Variants in NUFIP2 observed in about 807,000 individuals in gnomAD.
The protein encoded by NUFIP2 is FMR1-interacting protein NUFIP2.
In NUFIP2, 6 loss-of-function variants were observed where a neutral mutation model predicts 56.9. The ratio of observed to expected loss-of-function variants is 0.11; its 90% CI spans 0.06 to 0.21. The LOEUF (loss-of-function observed/expected upper bound fraction) is 0.21, where lower values mean the gene tolerates loss of function less well. Ranked by LOEUF, NUFIP2 falls within the 10% of genes least tolerant of loss-of-function variation. NUFIP2 has a pLI of 1.00. For synonymous variants in NUFIP2, 321 were observed against 298.2 expected, an observed-to-expected ratio of 1.08 and a Z score of -0.79; for missense variants, 828 against 826.8, an observed-to-expected ratio of 1.00 and a Z score of -0.02.
rs946361817 is a variant in NUFIP2 at position 29,258,802 on chromosome 17, T to C, written c.*5737A>G. 26 of 152,190 alleles carry C rather than the reference T, an allele frequency of 1.7e-4. No homozygotes were observed. Among genetic ancestry groups the C allele is most frequent in the African/African-American group, 5.8e-4 (24 of 41,432 alleles). The allele number at this position is 152,190 out of a possible 1,614,324, so 9.4% of individuals were successfully genotyped here. The stretch of plus-strand genomic sequence containing the variant: ...AAAGCAACCTATGGTATATGTATGG[T>C]ATATAGTAATGTAAAAAGTGCATCA... On this transcript the variant is annotated 3_prime_UTR_variant, in exon 4 of 4. Coordinates refer to ENST00000225388, the MANE Select transcript of NUFIP2 (RefSeq NM_020772.3).
rs189670866 is a variant in NUFIP2 at position 29,269,875 on chromosome 17, C to G, written c.2003-2345G>C. 1.8e-3 allele frequency among the ~76,000 whole-genome samples: 273 copies of G among 152,188 alleles called. 1 individual carries two copies. The highest frequency in any genetic ancestry group is 6.4e-3 in the African/African-American group (266 of 41,516). On this transcript the variant is annotated intron_variant, in intron 2 of 3. Transcript: ENST00000225388. Reference sequence around the variant, plus strand: ...AACTGGGACTACAGGTGCCTGCCACCACGCCTGGCTAATTTTTTGTATTTT... The same window carrying G: ...AACTGGGACTACAGGTGCCTGCCACGACGCCTGGCTAATTTTTTGTATTTT...
chr17:29,293,955 A>C lies in NUFIP2; in HGVS notation c.105T>G (p.His35Gln). Residue 35 changes from histidine (H) to glutamine (Q), a missense_variant, in exon 1 of 4, where the codon CAT becomes CAG. His to Gln is a conservative substitution (Grantham distance 24). Around this residue, in one of 3 missense-constraint regions of NUFIP2, gnomAD observed 415 missense variants for 408.7 expected, o/e 1.02. Coordinates refer to ENST00000225388, the MANE Select transcript of NUFIP2 (RefSeq NM_020772.3). ...QQQQQPHHHH[H>Q]YYFYNHSHNH... Reference sequence around the variant, plus strand: ...TGTGGCTGTGGTTGTAGAAATAATAATGGTGGTGGTGGTGCGGCTGCTGCT... The same window carrying C: ...TGTGGCTGTGGTTGTAGAAATAATACTGGTGGTGGTGGTGCGGCTGCTGCT... The C allele has an allele frequency of 6.2e-7, 1 of 1,612,324 alleles. No individual in the cohort carries two copies. Among genetic ancestry groups the C allele is most frequent in the Non-Finnish European group, 8.5e-7 (1 of 1,178,696 alleles).
rs1022371956 is a variant in NUFIP2 at position 29,257,544 on chromosome 17, GCA to G, written c.*6993_*6994del. 3.3e-5 allele frequency: 5 copies of G among 151,490 alleles called. No individual in the cohort carries two copies. The highest frequency in any genetic ancestry group is 2.0e-4 in the Admixed American group (3 of 15,196). 9.4% of individuals were successfully genotyped at this position (151,490 alleles called of 1,614,324 possible). The stretch of plus-strand genomic sequence containing the variant: ...TTTTTTTTTTTTAATGACAAGAATT[GCA>G]CAGTTTATTATTTTGAGACAATTGT... On this transcript the variant is annotated 3_prime_UTR_variant, in exon 4 of 4. Coordinates refer to ENST00000225388, the MANE Select transcript of NUFIP2 (RefSeq NM_020772.3).
At chr17:29,267,418 A>T in intron 3 of NUFIP2, 80 bp downstream of exon 3, 1 of 743,706 alleles carries the variant, frequency 1.3e-6, no homozygotes, top group Non-Finnish European at 2.3e-6. Flanking sequence ...GTAAATTACC[A>T]CCCATCTGTT....
At chr17:29,280,598 A>C (rs185207383) in intron 2 of NUFIP2, among the ~76,000 whole-genome samples, 28 of 152,018 alleles carry the variant, frequency 1.8e-4, no homozygotes, top group Admixed American at 1.6e-3. Context: ...AGGCGGGAGG[A>C]TTCCTTAAGC....
chr17:29,286,647 C>T lies in NUFIP2; in HGVS notation c.1347G>A (p.Gly449=). Residue 449 remains glycine (G), a synonymous_variant, in exon 2 of 4, where the codon GGG becomes GGA. Coordinates refer to ENST00000225388, the MANE Select transcript of NUFIP2 (RefSeq NM_020772.3). ...TCATGTCCTGGAGAACTGAATCTGT[C>T]CCAGAAGAGATGGGTGTTAGAGTAT... ...AANTLTPISS[G]TDSVLQDMSL... is the part of the protein sequence containing the mutation. The T allele has an allele frequency of 6.2e-7, 1 of 1,614,092 alleles. No individual in the cohort carries two copies. The highest frequency in any genetic ancestry group is 8.5e-7 in the Non-Finnish European group (1 of 1,180,002).
Position 29,277,271 on chromosome 17 carries a change from C to G in NUFIP2, c.2002+8721G>C, listed in dbSNP as rs558653161. On this transcript the variant is annotated intron_variant, in intron 2 of 3. Transcript: ENST00000225388. Reference sequence around the variant, plus strand: ...AACTCCTGACCTCAGGGGATCTGCCCACCTCAGCCTCCTAAAATGCTGGGA... The same window carrying G: ...AACTCCTGACCTCAGGGGATCTGCCGACCTCAGCCTCCTAAAATGCTGGGA... Among the ~76,000 whole-genome samples the G allele has an allele frequency of 2.3e-4, 35 of 152,304 alleles. No individual in the cohort carries two copies. The South Asian group carries it at 7.0e-3, about 31-fold the overall frequency.
At position 29,261,443 on chromosome 17, in the gene NUFIP2, A is replaced by C. The variant is rs2069002420; in HGVS notation, c.*3096T>G. 1 of 151,770 alleles carries C rather than the reference A, an allele frequency of 6.6e-6. No individual in the cohort carries two copies. The highest frequency in any genetic ancestry group is 2.4e-5 in the African/African-American group (1 of 41,336). The allele number at this position is 151,770 out of a possible 1,614,324, so 9.4% of individuals were successfully genotyped here. On this transcript the variant is annotated 3_prime_UTR_variant, in exon 4 of 4. Coordinates refer to ENST00000225388, the MANE Select transcript of NUFIP2 (RefSeq NM_020772.3). ...ACACACACACACACACCCCTTTTTC[A>C]GTCTTTATAATGGAGGGATGTTAAA...
intron 1 of NUFIP2, among the ~76,000 whole-genome samples, chr17:29,292,996 G>A (rs2069227456): frequency 2.0e-5 from 3 of 150,422 alleles, no homozygotes; most frequent in Admixed American, 2.0e-4. Context: ...TGTGGCCCTC[G>A]ACACCCTTCC....
At position 29,286,231 on chromosome 17, in the gene NUFIP2, C is replaced by T. The variant is rs375685939; in HGVS notation, c.1763G>A (p.Ser588Asn). Reference sequence around the variant, plus strand: ...ACTGGGTTCCAAGGATAAGGCTCCACTCTCACTAGTAGTCCCAGATTTTAG... The same window carrying T: ...ACTGGGTTCCAAGGATAAGGCTCCATTCTCACTAGTAGTCCCAGATTTTAG... ...SILKSGTTSE[S>N]GALSLEPSHI... The change falls in exon 2 of 4, where the codon AGT (serine) becomes AAT (asparagine). Residue 588 changes from serine (S) to asparagine (N), a missense_variant. Coordinates refer to ENST00000225388, the MANE Select transcript of NUFIP2 (RefSeq NM_020772.3). 4 of 1,614,178 alleles carry T rather than the reference C, an allele frequency of 2.5e-6. No individual in the cohort carries two copies. The highest frequency in any genetic ancestry group is 3.4e-6 in the Non-Finnish European group (4 of 1,180,026).
chr17:29,285,902 T>C (rs1335124058), intron 2 of NUFIP2, 90 bp downstream of exon 2: 4 of 1,023,876 alleles, frequency 3.9e-6, no homozygotes. Flanking sequence ...ACTCTTAATA[T>C]GAACAACTAA....
intron 2 of NUFIP2, among the ~76,000 whole-genome samples, chr17:29,283,941 G>A (rs2069155185): frequency 6.6e-6 from 1 of 152,118 alleles, no homozygotes; most frequent in South Asian, 2.1e-4. Context: ...CCATTTTTAA[G>A]GAAGTAAAAT....
chr17:29,290,167 G>C (rs1190188426), intron 1 of NUFIP2, among the ~76,000 whole-genome samples: 7 of 152,002 alleles, frequency 4.6e-5, no homozygotes, highest in South Asian at 2.1e-4. Context: ...TTACAGGTGA[G>C]AGCCACCACA....
At chr17:29,291,046 AAAAAAAAGAAAAG>A in intron 1 of NUFIP2, among the ~76,000 whole-genome samples, 1 of 120,074 alleles carries the variant, frequency 8.3e-6, no homozygotes, top group Non-Finnish European at 1.8e-5. Context: ...AAAAAAAAAA[AAAAAAAAGAAAAG>A]AAAATCTTGT....
At chr17:29,285,362 G>A (rs1390962578) in intron 2 of NUFIP2, among the ~76,000 whole-genome samples, 3 of 151,868 alleles carry the variant, frequency 2.0e-5, no homozygotes, top group South Asian at 4.1e-4. Flanking sequence ...TTGGGAGGCC[G>A]TGGGTGGATC....
intron 2 of NUFIP2, among the ~76,000 whole-genome samples, chr17:29,279,596 C>T (rs771394021): frequency 3.9e-5 from 6 of 152,142 alleles, no homozygotes; most frequent in African/African-American, 9.7e-5. Flanking sequence ...TGCAACAGCA[C>T]GATTATGGCT....
At chr17:29,270,341 AGAT>A (rs1159758605) in intron 2 of NUFIP2, among the ~76,000 whole-genome samples, 186 of 151,834 alleles carry the variant, frequency 1.2e-3, no homozygotes, top group Non-Finnish European at 2.3e-3. Context: ...AAAAAAAAAA[AGAT>A]GACGATCGGA....
chr17:29,283,376 T>C (rs2069151772), intron 2 of NUFIP2, among the ~76,000 whole-genome samples: 1 of 152,200 alleles, frequency 6.6e-6, no homozygotes. Context: ...CTCACTCTGT[T>C]GCCCAGGCCT....
chr17:29,282,200 C>T (rs2069144487), intron 2 of NUFIP2, among the ~76,000 whole-genome samples: 1 of 152,072 alleles, frequency 6.6e-6, no homozygotes, highest in Admixed American at 6.6e-5. Context: ...TTAAAAAAAG[C>T]CCTTGCCAGA....
Sources: allele counts gnomAD v4.1 joint callset (sites outside exome capture counted in the v4.1 genomes callset), GRCh38; gene constraint gnomAD v4.1.1; regional missense constraint gnomAD v4.1.1; transcripts MANE v1.5; gene names NCBI Gene and HGNC (gene_info 2026-07-23, HGNC 2026-07-21).